Variants in ST3GAL3 observed in about 807,000 individuals in gnomAD.
ST3GAL3 encodes CMP-N-acetylneuraminate-beta-1,4-galactoside alpha-2,3-sialyltransferase.
Under a neutral mutation model 50.1 loss-of-function variants are expected in ST3GAL3, and 21 were observed. That is an observed-to-expected ratio of 0.42 (90% CI 0.30 to 0.60). The LOEUF is 0.60. ST3GAL3 is among the 20% of genes least tolerant of loss of function. The probability of loss-of-function intolerance (pLI) is 0.19; values close to 1 mark genes in which losing one functional copy is unlikely to be tolerated. For missense variants in ST3GAL3, 353 were observed against 489.4 expected (o/e 0.72, Z 2.63); for synonymous variants, 183 against 190.0 (o/e 0.96, Z 0.30).
intron 1 of ST3GAL3, among the ~76,000 whole-genome samples, chr1:43,708,342 T>A (rs1288420433): frequency 9.9e-5 from 15 of 152,204 alleles, no homozygotes; most frequent in Admixed American, 9.2e-4. Flanking sequence ...TATGTTTCCT[T>A]CACGTATGAG....
At chr1:43,800,068 C>T (rs1045340718) in intron 3 of ST3GAL3, among the ~76,000 whole-genome samples, 1 of 152,012 alleles carries the variant, frequency 6.6e-6, no homozygotes, top group Non-Finnish European at 1.5e-5. Flanking sequence ...TGTCATGCTC[C>T]CTTGGCCCCC....
chr1:43,774,777 TCTCA>T (rs1696549876), intron 2 of ST3GAL3, among the ~76,000 whole-genome samples: 1 of 152,242 alleles, frequency 6.6e-6, no homozygotes, highest in Non-Finnish European at 1.5e-5. Context: ...TTCATTAATT[TCTCA>T]CTCAGCAAAT....
chr1:43,838,750 C>G (rs1394795474), intron 5 of ST3GAL3: 1 of 266,960 alleles, frequency 3.7e-6, no homozygotes, highest in Non-Finnish European at 7.4e-6. Flanking sequence ...TGAGTTTTAG[C>G]ACTTTCCTTC....
chr1:43,926,261 G>A (rs188845388), intron 11 of ST3GAL3, among the ~76,000 whole-genome samples: 283 of 152,290 alleles, frequency 1.9e-3, no homozygotes, highest in Admixed American at 4.2e-3. Context: ...ACCCTTGAAC[G>A]TGGATACTTA....
At chr1:43,861,421 G>A (rs934861363) in intron 5 of ST3GAL3, among the ~76,000 whole-genome samples, 15 of 123,086 alleles carry the variant, frequency 1.2e-4, no homozygotes, top group Admixed American at 1.0e-3. Flanking sequence ...CCAGTAATAT[G>A]TCTTGGTGTG....
Position 43,852,407 on chromosome 1 carries a change from C to T in ST3GAL3, c.302+14096C>T, listed in dbSNP as rs2067501201. ...ATACACTCCATTACTCTTTCCCCTA[C>T]CCTGTGCACCACCACAGTGCCTCAC... On this transcript the variant is annotated intron_variant, in intron 5 of 11. Transcript: ENST00000347631. Among the ~76,000 whole-genome samples, 3 of 152,212 alleles carry T rather than the reference C, an allele frequency of 2.0e-5. No homozygotes were observed. In the East Asian group the frequency reaches 5.8e-4, roughly 29 times the overall value.
At chr1:43,853,821 T>G (rs1476626076) in intron 5 of ST3GAL3, among the ~76,000 whole-genome samples, 1 of 152,210 alleles carries the variant, frequency 6.6e-6, no homozygotes, top group Non-Finnish European at 1.5e-5. Context: ...CTTGAAACTT[T>G]GCAGAGCTCT....
At chr1:43,759,905 A>G (rs947315294) in intron 2 of ST3GAL3, among the ~76,000 whole-genome samples, 23 of 152,216 alleles carry the variant, frequency 1.5e-4, no homozygotes, top group Non-Finnish European at 3.1e-4. Context: ...TTGAGACAGA[A>G]GGATCACTTG....
At chr1:43,820,682 T>C (rs1048184981) in intron 4 of ST3GAL3, among the ~76,000 whole-genome samples, 1 of 152,236 alleles carries the variant, frequency 6.6e-6, no homozygotes, top group Non-Finnish European at 1.5e-5. Context: ...GCTGCTTGTA[T>C]CTACATGACA....
chr1:43,920,535 C>A lies in ST3GAL3; in HGVS notation c.876C>A (p.Gly292=), dbSNP rs976210454. The change falls in exon 10 of 12, where the codon GGC becomes GGA. Residue 292 remains glycine (G), a synonymous_variant. Coordinates refer to ENST00000347631, the MANE Select transcript of ST3GAL3 (RefSeq NM_006279.5). ...TCATTGGCCTGCCCTTCAACAATGG[C>A]CTCATGGGCCGGGGGGTGAGATATC... ...FTLIGLPFNN[G]LMGRGNIPTL... The A allele has an allele frequency of 2.5e-6, 4 of 1,614,046 alleles. No individual in the cohort carries two copies. In the African/African-American group the frequency reaches 5.3e-5, roughly 22 times the overall value.
chr1:43,859,785 G>C (rs2069445266), intron 5 of ST3GAL3, among the ~76,000 whole-genome samples: 1 of 152,186 alleles, frequency 6.6e-6, no homozygotes, highest in South Asian at 2.1e-4. Flanking sequence ...CTCTGTACCT[G>C]CTGTCTCCAC....
Position 43,848,392 on chromosome 1 carries a change from G to A in ST3GAL3, c.302+10081G>A, listed in dbSNP as rs573401525. On this transcript the variant is annotated intron_variant, in intron 5 of 11. Transcript: ENST00000347631. ...GCGATCTTGGTTCACTGCAACCTCC[G>A]CCTCCTGGGTTCAAGCAATTCTCCT... 3.7e-5 allele frequency among the ~76,000 whole-genome samples: 5 copies of A among 136,288 alleles called. No homozygotes were observed. In the East Asian group the frequency reaches 7.2e-4, roughly 20 times the overall value. The allele number at this position is 136,288 out of a possible 152,430, so 89.4% of individuals were successfully genotyped here.
intron 4 of ST3GAL3, among the ~76,000 whole-genome samples, chr1:43,826,182 C>T (rs534132495): frequency 4.0e-5 from 6 of 151,880 alleles, no homozygotes; most frequent in Non-Finnish European, 5.9e-5. Context: ...CACTTGAGCC[C>T]GAGAGGTCAA....
At chr1:43,773,377 T>TC (rs1322255830) in intron 2 of ST3GAL3, among the ~76,000 whole-genome samples, 6 of 152,220 alleles carry the variant, frequency 3.9e-5, no homozygotes, top group African/African-American at 1.4e-4. Flanking sequence ...GTCCCAGGGC[T>TC]CCAAGTTCTG....
chr1:43,718,582 G>A (rs1668657429), intron 1 of ST3GAL3, among the ~76,000 whole-genome samples: 1 of 145,204 alleles, frequency 6.9e-6, no homozygotes, highest in South Asian at 2.3e-4. Context: ...TTCCTAATGT[G>A]TTTTTCCCTT....
At chr1:43,836,550 A>AC (rs2064357067) in intron 4 of ST3GAL3, among the ~76,000 whole-genome samples, 1 of 152,222 alleles carries the variant, frequency 6.6e-6, no homozygotes, top group Non-Finnish European at 1.5e-5. Flanking sequence ...ACCACCCCAC[A>AC]CCCACCCAGT....
intron 2 of ST3GAL3, among the ~76,000 whole-genome samples, chr1:43,777,334 A>C (rs1180313644): frequency 6.6e-6 from 1 of 152,192 alleles, no homozygotes; most frequent in African/African-American, 2.4e-5. Context: ...ATCCTAAGCA[A>C]AAAGAACAAA....
At chr1:43,787,091 A>G (rs141750782) in intron 2 of ST3GAL3, among the ~76,000 whole-genome samples, 3 of 152,354 alleles carry the variant, frequency 2.0e-5, no homozygotes, top group African/African-American at 7.2e-5. Flanking sequence ...CACAGGAAAC[A>G]TCTGACTATA....
At chr1:43,800,990 A>G (rs1161670394) in intron 3 of ST3GAL3, among the ~76,000 whole-genome samples, 1 of 152,158 alleles carries the variant, frequency 6.6e-6, no homozygotes, top group Non-Finnish European at 1.5e-5. Flanking sequence ...GTACTTAGCA[A>G]TTCATCATAG....
Sources: allele counts gnomAD v4.1 joint callset (sites outside exome capture counted in the v4.1 genomes callset), GRCh38; gene constraint gnomAD v4.1.1; transcripts MANE v1.5; gene names NCBI Gene and HGNC (gene_info 2026-07-23, HGNC 2026-07-21).